The following ROBO1 variants were observed in gnomAD, a reference collection of about 807,000 sequenced individuals.
ROBO1 encodes the protein roundabout guidance receptor 1, also known as roundabout homolog 1.
A neutral mutation model predicts 195.9 loss-of-function variants in ROBO1; 149 were observed. The observed-to-expected ratio is 0.76, with a 90% CI of 0.67 to 0.87. ROBO1 has a LOEUF of 0.87. Ranked by LOEUF, ROBO1 falls within the 40% of genes least tolerant of loss-of-function variation. The pLI, the probability that ROBO1 is intolerant of heterozygous loss-of-function variation, is 0.00. For missense variants in ROBO1, 1,933 were observed against 2,068.3 expected, an observed-to-expected ratio of 0.93 and a Z score of 1.27; for synonymous variants, 816 against 733.2, an observed-to-expected ratio of 1.11 and a Z score of -1.82.
chr3:78,856,958 A>G (rs1319405825), intron 4 of ROBO1, among the ~76,000 whole-genome samples: 1 of 151,920 alleles, frequency 6.6e-6, no homozygotes, highest in Non-Finnish European at 1.5e-5. Flanking sequence ...CTCATTTCAA[A>G]CTAAGCTTTG....
intron 2 of ROBO1, among the ~76,000 whole-genome samples, chr3:79,470,722 T>C (rs1430930438): frequency 1.3e-5 from 2 of 151,994 alleles, no homozygotes; most frequent in African/African-American, 4.8e-5. Flanking sequence ...AAAAGAGAGC[T>C]TGTCCCCTAC....
Position 79,288,993 on chromosome 3 carries a change from C to A in ROBO1, c.89-163454G>T, listed in dbSNP as rs200171900. 7.2e-5 allele frequency among the ~76,000 whole-genome samples: 11 copies of A among 151,854 alleles called. No individual in the cohort carries two copies. The East Asian group carries it at 2.1e-3, about 30-fold the overall frequency. ...AATGTTGTTGTAAGGAAGTAACAAA[C>A]AACATGTCTTTCAATGAAATGCAAG... On this transcript the variant is annotated intron_variant, in intron 2 of 30. Coordinates refer to ENST00000464233, the MANE Select transcript of ROBO1 (RefSeq NM_002941.4).
intron 21 of ROBO1, among the ~76,000 whole-genome samples, chr3:78,640,415 G>A (rs1405857571): frequency 1.3e-5 from 2 of 152,050 alleles, no homozygotes; most frequent in African/African-American, 4.8e-5. Flanking sequence ...TGAGTTTGGG[G>A]CTCTGTGACA....
At chr3:79,334,965 T>G (rs2034604033) in intron 2 of ROBO1, among the ~76,000 whole-genome samples, 1 of 151,912 alleles carries the variant, frequency 6.6e-6, no homozygotes, top group East Asian at 1.9e-4. Flanking sequence ...AAAAAAAAAT[T>G]AATTAGCCAG....
chr3:79,011,955 G>GT (rs1252247218), intron 3 of ROBO1, among the ~76,000 whole-genome samples: 1 of 151,964 alleles, frequency 6.6e-6, no homozygotes, highest in Non-Finnish European at 1.5e-5. Flanking sequence ...AATCTTAGAG[G>GT]AGAGCTTTGA....
chr3:78,773,897 A>C (rs921784289), intron 4 of ROBO1, among the ~76,000 whole-genome samples: 3 of 152,230 alleles, frequency 2.0e-5, no homozygotes, highest in Non-Finnish European at 4.4e-5. Context: ...AGCTCTACTA[A>C]GTGCCAATGT....
chr3:79,412,874 A>T (rs1229827131), intron 2 of ROBO1, among the ~76,000 whole-genome samples: 12 of 38,342 alleles, frequency 3.1e-4, no homozygotes, highest in African/African-American at 7.3e-4. Context: ...TCATGAGCTG[A>T]TTTTTTTTTT....
chr3:79,317,389 T>G (rs1314173910), intron 2 of ROBO1, among the ~76,000 whole-genome samples: 1 of 151,964 alleles, frequency 6.6e-6, no homozygotes, highest in South Asian at 2.1e-4. Flanking sequence ...GTAATCTCTT[T>G]GCTCACTACG....
intron 2 of ROBO1, among the ~76,000 whole-genome samples, chr3:79,459,501 T>TGGCCGGGCGCGGTGGCTCACGCTTG (rs1425622904): frequency 6.9e-6 from 1 of 145,112 alleles, no homozygotes; most frequent in Non-Finnish European, 1.5e-5. Context: ...CCAATAATAT[T>TGGCCGGGCGCGGTGGCTCACGCTTG]TTCATTGAGA....
intron 2 of ROBO1, among the ~76,000 whole-genome samples, chr3:79,259,165 G>T (rs1269041017): frequency 1.3e-5 from 2 of 152,008 alleles, no homozygotes; most frequent in Non-Finnish European, 2.9e-5. Context: ...TTGTTGTTGA[G>T]ACAGGGTATT....
chr3:79,027,136 T>C (rs573532517), intron 3 of ROBO1, among the ~76,000 whole-genome samples: 25 of 152,254 alleles, frequency 1.6e-4, no homozygotes, highest in African/African-American at 5.8e-4. Context: ...TGGGCATTCA[T>C]GCTTTTGGCA....
At chr3:79,665,289 T>G (rs1185706338) in intron 1 of ROBO1, among the ~76,000 whole-genome samples, 1 of 151,916 alleles carries the variant, frequency 6.6e-6, no homozygotes, top group Non-Finnish European at 1.5e-5. Flanking sequence ...TAGAGTCTAC[T>G]TAATACTTGG....
chr3:78,717,359 C>T lies in ROBO1; in HGVS notation c.833G>A (p.Ser278Asn). The change falls in exon 7 of 31, where the codon AGT (serine) becomes AAT (asparagine). Residue 278 changes from serine (S) to asparagine (N), a missense_variant. Ser to Asn is a conservative substitution (Grantham distance 46). Around this residue, in one of 3 missense-constraint regions of ROBO1, gnomAD observed 1,737 missense variants for 1,882.5 expected, o/e 0.92. Coordinates refer to ENST00000464233, the MANE Select transcript of ROBO1 (RefSeq NM_002941.4). ...TCGGGCCTCACATTTAAATTCTGCA[C>T]TGTCATCCACAGTTACTGCCAAGTT... ...PSNLAVTVDDSAEFKCEARGD... is the reference protein window; with the variant it reads ...PSNLAVTVDDNAEFKCEARGD... 1 of 1,613,390 alleles carries T rather than the reference C, an allele frequency of 6.2e-7. No homozygotes were observed.
chr3:79,151,685 C>T (rs2080774253), intron 2 of ROBO1, among the ~76,000 whole-genome samples: 1 of 151,776 alleles, frequency 6.6e-6, no homozygotes, highest in Admixed American at 6.6e-5. Flanking sequence ...CAACATCTTT[C>T]ACACCTTTGT....
intron 2 of ROBO1, among the ~76,000 whole-genome samples, chr3:79,557,176 T>C (rs1942733414): frequency 6.6e-6 from 1 of 152,054 alleles, no homozygotes; most frequent in South Asian, 2.1e-4. Flanking sequence ...ATCTTAAAGC[T>C]TAGTAAAATT....
chr3:79,336,174 C>A (rs2034656542), intron 2 of ROBO1, among the ~76,000 whole-genome samples: 1 of 152,204 alleles, frequency 6.6e-6, no homozygotes. Flanking sequence ...GGGAGAAATT[C>A]AAGCCCACTG....
In ROBO1 at chr3:78,858,045, G is replaced by A. The variant is rs576776160; in HGVS notation, c.499+80556C>T. ...TGTCAAGATTTGAGACTGAAATATC[G>A]GATGCCTCCAGCTCCCAGCTAACTC... On this transcript the variant is annotated intron_variant, in intron 4 of 30. Coordinates refer to ENST00000464233, the MANE Select transcript of ROBO1 (RefSeq NM_002941.4). Among the ~76,000 whole-genome samples, 12 of 152,108 alleles carry A rather than the reference G, an allele frequency of 7.9e-5. No individual in the cohort carries two copies. The East Asian group carries it at 1.9e-3, about 25-fold the overall frequency.
chr3:79,502,462 G>A (rs1183075814), intron 2 of ROBO1, among the ~76,000 whole-genome samples: 1 of 152,090 alleles, frequency 6.6e-6, no homozygotes, highest in East Asian at 1.9e-4. Flanking sequence ...CAGGGCTCGG[G>A]ACCTGTAGCC....
At chr3:79,560,504 T>C (rs901383838) in intron 2 of ROBO1, among the ~76,000 whole-genome samples, 5 of 141,716 alleles carry the variant, frequency 3.5e-5, no homozygotes, top group Admixed American at 1.4e-4. Context: ...TGTGCACATG[T>C]ACCCTAAAAC....
Sources: gnomAD v4.1 joint callset for allele counts (sites outside exome capture counted in the v4.1 genomes callset) on GRCh38, gnomAD v4.1.1 for gene constraint, gnomAD v4.1.1 regional missense constraint, MANE v1.5 for transcripts, NCBI Gene and HGNC (gene_info 2026-07-23, HGNC 2026-07-21) for gene names.